PLEKHA2: variants seen among roughly 807,000 people sequenced by gnomAD.
PLEKHA2 encodes the protein pleckstrin homology domain containing A2.
A neutral mutation model predicts 53.2 loss-of-function variants in PLEKHA2; 28 were observed. That is an observed-to-expected ratio of 0.53 (90% confidence interval 0.39 to 0.72). The LOEUF is 0.72. Ranked by LOEUF, PLEKHA2 falls within the 30% of genes least tolerant of loss-of-function variation. The pLI, the probability that PLEKHA2 is intolerant of heterozygous loss-of-function variation, is 0.00. For synonymous variants in PLEKHA2, 193 were observed against 196.4 expected (o/e 0.98, Z 0.14); for missense variants, 426 against 537.9 (o/e 0.79, Z 2.06).
chr8:38,964,049 A>G (rs1835087816), intron 10 of PLEKHA2, among the ~76,000 whole-genome samples: 1 of 152,192 alleles, frequency 6.6e-6, no homozygotes, highest in Admixed American at 6.5e-5. Flanking sequence ...TGGCAAATGA[A>G]ATTTATATTA....
At chr8:38,953,262 G>A (rs1834880324) in intron 8 of PLEKHA2, 35 bp from the exon 9 acceptor site, 1 of 1,550,306 alleles carries the variant, frequency 6.5e-7, no homozygotes, top group Non-Finnish European at 8.9e-7. Flanking sequence ...GACACAGACA[G>A]CCTCACTTAC....
intron 5 of PLEKHA2, among the ~76,000 whole-genome samples, chr8:38,950,068 C>T (rs1038552334): frequency 6.6e-6 from 1 of 152,092 alleles, no homozygotes; most frequent in African/African-American, 2.4e-5. Context: ...TTTTTCGAGA[C>T]AGGGTCTCTG....
At chr8:38,967,733 C>T (rs188333164) in intron 10 of PLEKHA2, among the ~76,000 whole-genome samples, 2 of 148,960 alleles carry the variant, frequency 1.3e-5, no homozygotes, top group Non-Finnish European at 3.0e-5. Flanking sequence ...GTGATCTCGG[C>T]TCACTGCAAC....
chr8:38,923,848 A>T (rs1449943379), intron 2 of PLEKHA2, among the ~76,000 whole-genome samples: 1 of 151,980 alleles, frequency 6.6e-6, no homozygotes, highest in Non-Finnish European at 1.5e-5. Flanking sequence ...ACTTTTTAAA[A>T]TTTGTATTTA....
At chr8:38,956,758 A>G (rs1333823593) in intron 9 of PLEKHA2, among the ~76,000 whole-genome samples, 1 of 152,158 alleles carries the variant, frequency 6.6e-6, no homozygotes. Flanking sequence ...AAATAAATAA[A>G]TAAAGCAGAG....
intron 1 of PLEKHA2, among the ~76,000 whole-genome samples, chr8:38,912,212 A>G (rs1046405131): frequency 1.3e-5 from 2 of 151,828 alleles, no homozygotes; most frequent in African/African-American, 4.8e-5. Context: ...AGGCAGGAGA[A>G]TGAATCACTT....
At chr8:38,951,868 T>A (rs952062733) in intron 6 of PLEKHA2, among the ~76,000 whole-genome samples, 2 of 152,164 alleles carry the variant, frequency 1.3e-5, no homozygotes, top group African/African-American at 4.8e-5. Flanking sequence ...AATTCTTTTT[T>A]TTAATTTTTA....
chr8:38,907,397 A>G (rs1218634120), intron 1 of PLEKHA2, among the ~76,000 whole-genome samples: 1 of 152,122 alleles, frequency 6.6e-6, no homozygotes, highest in Non-Finnish European at 1.5e-5. Flanking sequence ...TCTGTCTCCA[A>G]ATTATGTTAG....
chr8:38,923,648 G>A (rs1834232714), intron 2 of PLEKHA2, among the ~76,000 whole-genome samples: 1 of 152,150 alleles, frequency 6.6e-6, no homozygotes, highest in Admixed American at 6.5e-5. Context: ...GGCTACTTCA[G>A]TGAACAAGAC....
At chr8:38,906,495 A>G (rs1233005626) in intron 1 of PLEKHA2, among the ~76,000 whole-genome samples, 1 of 152,060 alleles carries the variant, frequency 6.6e-6, no homozygotes, top group Non-Finnish European at 1.5e-5. Flanking sequence ...GGATTGGGCT[A>G]TCTCAGGGTC....
At chr8:38,950,805 C>T (rs923830845) in intron 5 of PLEKHA2, 45 bp from the exon 6 acceptor site, 18 of 1,585,722 alleles carry the variant, frequency 1.1e-5, no homozygotes, top group East Asian at 2.3e-5. Context: ...CCCATGTTTC[C>T]TAAATGTTCT....
chr8:38,954,178 T>C (rs916017286), intron 9 of PLEKHA2, among the ~76,000 whole-genome samples: 2 of 152,188 alleles, frequency 1.3e-5, no homozygotes, highest in Admixed American at 1.3e-4. Context: ...AGGCCGACTC[T>C]TCTCCCATGA....
chr8:38,932,714 C>T (rs1364606793), intron 2 of PLEKHA2, among the ~76,000 whole-genome samples: 1 of 152,208 alleles, frequency 6.6e-6, no homozygotes, highest in Non-Finnish European at 1.5e-5. Flanking sequence ...GGACCCTGAG[C>T]GTCACTTTGG....
chr8:38,925,207 A>G (rs772519122), intron 2 of PLEKHA2, among the ~76,000 whole-genome samples: 1 of 152,208 alleles, frequency 6.6e-6, no homozygotes, highest in Non-Finnish European at 1.5e-5. Context: ...TTTCCTTAAA[A>G]TGTTACTACA....
intron 9 of PLEKHA2, among the ~76,000 whole-genome samples, chr8:38,953,602 C>T (rs758070668): frequency 1.1e-4 from 17 of 152,170 alleles, no homozygotes; most frequent in African/African-American, 2.9e-4. Flanking sequence ...GATAGGCCTA[C>T]GTAATAGTTT....
rs201022943 is a variant in PLEKHA2, at chr8:38,969,799, TGGGA to T, written c.*35_*38del. 8.6e-4 allele frequency: 344 copies of T among 400,126 alleles called. No homozygotes were observed. The highest frequency in any genetic ancestry group is 2.0e-3 in the East Asian group (25 of 12,214). 24.8% of individuals were successfully genotyped at this position (400,126 alleles called of 1,614,324 possible). A position where few individuals can be genotyped will look rare whatever the true frequency, so the allele number is the denominator to read the frequency against. ...TGATGTGTGATGGAGCACAGTGCCA[TGGGA>T]GGGAGGGAGGGAGGGAGGACTTGAG... On this transcript the variant is annotated 3_prime_UTR_variant, in exon 12 of 12. Coordinates refer to ENST00000617275, the MANE Select transcript of PLEKHA2 (RefSeq NM_021623.2).
chr8:38,929,018 G>A (rs1002038405), intron 2 of PLEKHA2, among the ~76,000 whole-genome samples: 3 of 152,194 alleles, frequency 2.0e-5, no homozygotes, highest in African/African-American at 7.2e-5. Context: ...TCCCAGTCCT[G>A]TCACACCGTT....
intron 9 of PLEKHA2, among the ~76,000 whole-genome samples, chr8:38,955,962 C>CA (rs1834931951): frequency 6.6e-6 from 1 of 152,164 alleles, no homozygotes; most frequent in Non-Finnish European, 1.5e-5. Context: ...AGATGTGTGC[C>CA]ACCACACCTG....
chr8:38,969,281 G>A (rs768626475), intron 11 of PLEKHA2, 140 bp from the exon 12 acceptor site: 71 of 990,938 alleles, frequency 7.2e-5, no homozygotes, highest in Non-Finnish European at 1.0e-4. Context: ...CCTTTTGACT[G>A]TATTTCATTT....
Sources: allele counts gnomAD v4.1 joint callset (sites outside exome capture counted in the v4.1 genomes callset), GRCh38; gene constraint gnomAD v4.1.1; transcripts MANE v1.5; gene names NCBI Gene and HGNC (gene_info 2026-07-23, HGNC 2026-07-21).